Variants in LITAF observed in about 807,000 individuals in gnomAD.
LITAF encodes the protein lipopolysaccharide induced TNF factor.
Under a neutral mutation model 14.5 loss-of-function variants are expected in LITAF, and 9 were observed. The ratio of observed to expected loss-of-function variants is 0.62; its 90% confidence interval spans 0.37 to 1.08. The LOEUF (loss-of-function observed/expected upper bound fraction) is 1.08, where lower values mean the gene tolerates loss of function less well. Among genes scored for constraint, LITAF ranks in the 50% least tolerant of loss-of-function variants. The pLI is 0.01. For missense variants in LITAF, 206 were observed against 213.4 expected (o/e 0.97, Z 0.22); for synonymous variants, 98 against 88.2 (o/e 1.11, Z -0.62).
upstream of LITAF, among the ~76,000 whole-genome samples, chr16:11,600,453 G>A (rs375976608): frequency 1.3e-5 from 2 of 152,232 alleles, no homozygotes; most frequent in African/African-American, 2.4e-5. The surrounding 1 kb of genome is among the most constrained non-coding windows in gnomAD (Gnocchi z 4.1). Context: ...CAGATGGGCC[G>A]GGTCCCCAGC....
chr16:11,567,926 G>A (rs940263362), intron 1 of LITAF, among the ~76,000 whole-genome samples: 2 of 152,188 alleles, frequency 1.3e-5, no homozygotes, highest in African/African-American at 2.4e-5. Context: ...GGAGGTTGCA[G>A]TGAGCTGAGA....
intron 1 of LITAF, among the ~76,000 whole-genome samples, chr16:11,578,716 G>A (rs917621373): frequency 1.3e-5 from 2 of 152,200 alleles, no homozygotes; most frequent in African/African-American, 2.4e-5. Context: ...CTTCACCTCC[G>A]TGGTCTTCTC....
At position 11,548,379 on chromosome 16, in the gene LITAF, C is replaced by T. The variant is rs538755212; in HGVS notation, c.*1258G>A. 4.4e-6 allele frequency: 2 copies of T among 454,002 alleles called. No individual in the cohort carries two copies. The allele number at this position is 454,002 out of a possible 1,614,324, so 28.1% of individuals were successfully genotyped here. On this transcript the variant is annotated 3_prime_UTR_variant, in exon 4 of 4. Transcript: ENST00000622633. ...AAGCTGTGTCTCTGAAAACTAAAAT[C>T]AGACTTTAGATTCCTCTGAAACAGT...
chr16:11,598,797 C>T (rs1217550862), upstream of LITAF, among the ~76,000 whole-genome samples: 4 of 152,028 alleles, frequency 2.6e-5, no homozygotes, highest in East Asian at 7.7e-4. Flanking sequence ...GCAGCAGGCA[C>T]CGTGCCTCAT....
chr16:11,612,637 G>A (rs2064989409), intron 3 of LITAF, among the ~76,000 whole-genome samples: 1 of 152,166 alleles, frequency 6.6e-6, no homozygotes, highest in South Asian at 2.1e-4. Context: ...AGGAGCCCTC[G>A]CAGAGACAGC....
At chr16:11,635,323 C>T (rs1442137633) in intron 2 of LITAF, among the ~76,000 whole-genome samples, 1 of 152,238 alleles carries the variant, frequency 6.6e-6, no homozygotes, top group African/African-American at 2.4e-5. Flanking sequence ...CCAATCAACG[C>T]TGGGGCGATG....
intron 3 of LITAF, among the ~76,000 whole-genome samples, chr16:11,615,099 A>G (rs2065009135): frequency 3.3e-5 from 5 of 152,224 alleles, no homozygotes; most frequent in Admixed American, 3.3e-4. Flanking sequence ...GGAAGGAGAG[A>G]CCAAGCTGGG....
chr16:11,550,698 G>C (rs995906379), intron 3 of LITAF, among the ~76,000 whole-genome samples: 1 of 152,120 alleles, frequency 6.6e-6, no homozygotes, highest in Non-Finnish European at 1.5e-5. Context: ...GTCTTGCTAT[G>C]TTGCACAGGC....
intron 1 of LITAF, among the ~76,000 whole-genome samples, chr16:11,572,364 C>G (rs981043440): frequency 2.6e-5 from 4 of 152,116 alleles, no homozygotes; most frequent in African/African-American, 9.7e-5. Flanking sequence ...AAATGATGCT[C>G]CAGTCCTCCT....
upstream of LITAF, among the ~76,000 whole-genome samples, chr16:11,601,041 C>T (rs1484837142): frequency 2.6e-5 from 4 of 151,952 alleles, no homozygotes; most frequent in East Asian, 5.8e-4. Context: ...CCCGCATCAC[C>T]GGCACATGAA....
At position 11,634,877 on chromosome 16, in the gene LITAF, T is replaced by C. The variant is rs60878200; in HGVS notation, c.-21+948A>G. On this transcript the variant is annotated intron_variant, in intron 2 of 3. Coordinates refer to the LITAF transcript ENST00000574848. This position sits in a 1 kb window ranked among gnomAD's most constrained non-coding sequence, Gnocchi z 4.1. Reference sequence around the variant, plus strand: ...GGTGAAACCCCGTCTCTACTAAAAATGCAAAAACTAGCTGGGCGTGTTGGT... The same window carrying C: ...GGTGAAACCCCGTCTCTACTAAAAACGCAAAAACTAGCTGGGCGTGTTGGT... 7.0e-4 allele frequency among the ~76,000 whole-genome samples: 106 copies of C among 151,978 alleles called. No individual in the cohort carries two copies. In the Middle Eastern group the frequency reaches 0.014, roughly 20 times the overall value.
rs943969986 is a variant in LITAF, at chr16:11,586,611, C to T, written c.-6+275G>A. ...CTCGTTCGGGTGGGGGCCGGACGAC[C>T]CCGCCACGCGCGATCGGGCCACTCT... On this transcript the variant is annotated intron_variant, in intron 1 of 3. Coordinates refer to ENST00000622633, the MANE Select transcript of LITAF (RefSeq NM_001136472.2). The surrounding 1 kb of genome is among the most constrained non-coding windows in gnomAD (Gnocchi z 6.5). Among the ~76,000 whole-genome samples, 6 of 151,934 alleles carry T rather than the reference C, an allele frequency of 3.9e-5. No homozygotes were observed. The highest frequency in any genetic ancestry group is 3.9e-4 in the Admixed American group (6 of 15,274).
intron 1 of LITAF, among the ~76,000 whole-genome samples, chr16:11,576,846 C>T (rs2064644750): frequency 6.6e-6 from 1 of 152,102 alleles, no homozygotes; most frequent in Admixed American, 6.6e-5. Context: ...ATTTGGGAGT[C>T]TTCTATTTGC....
intron 1 of LITAF, among the ~76,000 whole-genome samples, chr16:11,562,591 AT>A (rs1236582840): frequency 1.3e-5 from 2 of 152,062 alleles, no homozygotes; most frequent in Non-Finnish European, 2.9e-5. Flanking sequence ...CCTCTCAACA[AT>A]TTGCTCAACG....
chr16:11,638,044 ATATATATATC>A (rs2065148574), upstream of LITAF, among the ~76,000 whole-genome samples: 3 of 95,258 alleles, frequency 3.1e-5, 1 homozygote, highest in African/African-American at 1.9e-4. Context: ...ATATATATCT[ATATATATATC>A]TATATATATA....
chr16:11,555,069 G>A (rs2064247553), intron 2 of LITAF, among the ~76,000 whole-genome samples: 1 of 151,994 alleles, frequency 6.6e-6, no homozygotes, highest in Non-Finnish European at 1.5e-5. Flanking sequence ...GTCTTGTTGT[G>A]TTGCCCAGGC....
chr16:11,578,538 G>C (rs769975102), intron 1 of LITAF, among the ~76,000 whole-genome samples: 2 of 152,084 alleles, frequency 1.3e-5, no homozygotes, highest in Non-Finnish European at 2.9e-5. Context: ...TCTATGAAAA[G>C]GGAAAGACAG....
At chr16:11,557,451 TTTTTG>T (rs1169365623) in intron 1 of LITAF, among the ~76,000 whole-genome samples, 2 of 152,036 alleles carry the variant, frequency 1.3e-5, no homozygotes, top group African/African-American at 2.4e-5. Flanking sequence ...ATAGTTTTGT[TTTTTG>T]TTTTGTTTTA....
intron 3 of LITAF, among the ~76,000 whole-genome samples, chr16:11,628,208 C>T (rs2141902918): frequency 6.6e-6 from 1 of 152,276 alleles, no homozygotes; most frequent in South Asian, 2.1e-4. Context: ...TGCCCAACAG[C>T]CATGACTCAT....
Sources: gnomAD v4.1 joint callset for allele counts (sites outside exome capture counted in the v4.1 genomes callset) on GRCh38, gnomAD v4.1.1 for gene constraint, Gnocchi (gnomAD v3.1) non-coding constraint, MANE v1.5 for transcripts, NCBI Gene and HGNC (gene_info 2026-07-23, HGNC 2026-07-21) for gene names.